LOXHD1: variants seen among roughly 807,000 people sequenced by gnomAD.
LOXHD1 encodes lipoxygenase homology PLAT domains 1.
Under a neutral mutation model 248.2 loss-of-function variants are expected in LOXHD1, and 205 were observed. The ratio of observed to expected loss-of-function variants is 0.83; its 90% confidence interval spans 0.74 to 0.93. The LOEUF (loss-of-function observed/expected upper bound fraction) is 0.93. LOXHD1 is among the 40% of genes least tolerant of loss of function. The pLI is 0.00. For synonymous variants in LOXHD1, 1,113 were observed against 1,162.8 expected (o/e 0.96, Z 0.87); for missense variants, 2,930 against 2,971.6 (o/e 0.99, Z 0.33).
rs149969877 is a variant in LOXHD1, at chr18:46,545,017, C to T, written c.3619+300G>A. 2.6e-3 allele frequency: 1,218 copies of T among 476,434 alleles called. 16 individuals carry two copies. Among genetic ancestry groups the T allele is most frequent in the Admixed American group, 0.016 (593 of 37,430 alleles). The allele number at this position is 476,434 out of a possible 1,614,324, so 29.5% of individuals were successfully genotyped here. A position where few individuals can be genotyped will look rare whatever the true frequency, so the allele number is the denominator to read the frequency against. ...GAACAACTCTACAATGCCTGGAGTG[C>T]CTCATACTGAGAGTATCATGGCTGA... is the stretch of plus-strand genomic sequence containing the variant. On this transcript the variant is annotated intron_variant, in intron 23 of 40. Coordinates refer to ENST00000642948, the MANE Select transcript of LOXHD1 (RefSeq NM_001384474.1).
chr18:46,518,069 G>A (rs965495020), intron 34 of LOXHD1, 60 bp downstream of exon 34: 3 of 1,546,176 alleles, frequency 1.9e-6, no homozygotes, highest in South Asian at 1.2e-5. Context: ...AAGGCAGGGT[G>A]GGGCAGAGGG....
chr18:46,630,812 C>A (rs2038810991), intron 4 of LOXHD1, among the ~76,000 whole-genome samples: 1 of 152,080 alleles, frequency 6.6e-6, no homozygotes. Context: ...CACCTGGAGG[C>A]AAGCAAGAAA....
At position 46,576,838 on chromosome 18, in the gene LOXHD1, C is replaced by A. The variant is rs116007436; in HGVS notation, c.1970+869G>T. Among the ~76,000 whole-genome samples, 723 of 152,246 alleles carry A rather than the reference C, an allele frequency of 4.7e-3. 4 individuals carry two copies. The highest frequency in any genetic ancestry group is 0.017 in the African/African-American group (687 of 41,532). The stretch of plus-strand genomic sequence containing the variant: ...GCAGATGTGTGCCTGTGTGTGTGCG[C>A]CTGTAGGCACAGGCATGCATGTGAG... On this transcript the variant is annotated intron_variant, in intron 14 of 40. Coordinates refer to ENST00000642948, the MANE Select transcript of LOXHD1 (RefSeq NM_001384474.1).
At chr18:46,529,364 A>G in intron 28 of LOXHD1, 33 bp from the exon 29 acceptor site, 1 of 1,509,424 alleles carries the variant, frequency 6.6e-7, no homozygotes, top group African/African-American at 1.4e-5. Context: ...AGACAGACAA[A>G]GGGAAGAAAA....
chr18:46,516,685 AC>A (rs1451097189), intron 34 of LOXHD1, among the ~76,000 whole-genome samples: 2 of 151,876 alleles, frequency 1.3e-5, no homozygotes, highest in Non-Finnish European at 2.9e-5. Context: ...TATCATCCCT[AC>A]CATCATCACC....
chr18:46,569,276 C>T (rs906365627), intron 16 of LOXHD1, among the ~76,000 whole-genome samples, 166 bp downstream of exon 16: 19 of 152,236 alleles, frequency 1.2e-4, no homozygotes, highest in Admixed American at 7.8e-4. Flanking sequence ...ACACACCTCA[C>T]TCACTATTCC....
At chr18:46,643,486 C>G in intron 2 of LOXHD1, among the ~76,000 whole-genome samples, 1 of 152,204 alleles carries the variant, frequency 6.6e-6, no homozygotes, top group Non-Finnish European at 1.5e-5. Flanking sequence ...AGGAAAATAA[C>G]TTACCAGACC....
chr18:46,481,178 G>A (rs2032534125), intron 40 of LOXHD1, among the ~76,000 whole-genome samples: 1 of 152,254 alleles, frequency 6.6e-6, no homozygotes, highest in Non-Finnish European at 1.5e-5. Flanking sequence ...TGTTAAGCAA[G>A]TGGTTTTATA....
At chr18:46,565,803 G>A (rs1179215222) in intron 17 of LOXHD1, among the ~76,000 whole-genome samples, 1 of 152,208 alleles carries the variant, frequency 6.6e-6, no homozygotes, top group South Asian at 2.1e-4. Flanking sequence ...CAGTACAGAT[G>A]TAATTTTTTT....
chr18:46,629,802 A>G (rs1462260082), intron 4 of LOXHD1, among the ~76,000 whole-genome samples: 46 of 151,232 alleles, frequency 3.0e-4, no homozygotes, highest in Non-Finnish European at 1.0e-4. Context: ...TAAAAAAAAA[A>G]AAAAAGAAAA....
intron 3 of LOXHD1, among the ~76,000 whole-genome samples, chr18:46,640,264 G>A (rs1216910620): frequency 6.6e-6 from 1 of 152,200 alleles, no homozygotes; most frequent in Non-Finnish European, 1.5e-5. Context: ...TCCCCAGGAA[G>A]CAGAAGCCAA....
In LOXHD1 at chr18:46,579,757, G is replaced by A; in HGVS notation, c.1682C>T (p.Thr561Ile). ...GMARYHVTVC[T>I]GELEGAGTDA... ...GGTCCCAGCACCTTCAAGTTCACCT[G>A]TGCACACAGTCACATGGTACCGGGC... Residue 561 changes from threonine (T) to isoleucine (I), a missense_variant, in exon 13 of 41, where the codon ACA (threonine) becomes ATA (isoleucine). Physicochemically the swap from Thr to Ile is moderately conservative, Grantham distance 89 (BLOSUM62 -1). Coordinates refer to ENST00000642948, the MANE Select transcript of LOXHD1 (RefSeq NM_001384474.1). 1 of 1,551,810 alleles carries A rather than the reference G, an allele frequency of 6.4e-7. No homozygotes were observed.
Position 46,541,799 on chromosome 18 carries a change from A to C in LOXHD1, c.3890T>G (p.Leu1297Arg), listed in dbSNP as rs902250332. 6 of 1,551,564 alleles carry C rather than the reference A, an allele frequency of 3.9e-6. No homozygotes were observed. In the African/African-American group the frequency reaches 8.2e-5, roughly 21 times the overall value. ...ACATGGTGTGTACAGCCTCGTCTGAAGCTCTGCATGGAAGAGGTCTCTGAT... is the reference window on the plus strand; with the variant it reads ...ACATGGTGTGTACAGCCTCGTCTGACGCTCTGCATGGAAGAGGTCTCTGAT... ...SIIRDLFHAE[L>R]QTRLYTPFVP... The change falls in exon 25 of 41, where the codon CTT becomes CGT. Residue 1297 changes from leucine (L) to arginine (R), a missense_variant. By Grantham distance (102) the Leu-to-Arg change is moderately radical (BLOSUM62 -2). Transcript: ENST00000642948.
intron 20 of LOXHD1, chr18:46,559,071 C>A: frequency 9.0e-7 from 1 of 1,107,398 alleles, no homozygotes; most frequent in Non-Finnish European, 1.2e-6. Flanking sequence ...ACACCATACT[C>A]ACCTGCCAAG....
intron 9 of LOXHD1, 53 bp downstream of exon 9, chr18:46,594,278 C>A: frequency 6.5e-7 from 1 of 1,548,206 alleles, no homozygotes; most frequent in East Asian, 2.4e-5. Flanking sequence ...GACATTCTGG[C>A]CTCTGCTGAC....
rs2035737641 is a variant in LOXHD1 at position 46,524,617 on chromosome 18, G to C, written c.4741-16C>G. 2.6e-6 allele frequency: 4 copies of C among 1,551,652 alleles called. No homozygotes were observed. Among genetic ancestry groups the C allele is most frequent in the Non-Finnish European group, 3.5e-6 (4 of 1,146,944 alleles). On this transcript the variant is annotated splice_polypyrimidine_tract_variant and intron_variant, in intron 30 of 40. Coordinates refer to ENST00000642948, the MANE Select transcript of LOXHD1 (RefSeq NM_001384474.1). ...CAGTGTACTCCTGTGTGGGAGAGCAGGACTGGCAGTTGCAGCTCCAGCACC... is the reference window on the plus strand; with the variant it reads ...CAGTGTACTCCTGTGTGGGAGAGCACGACTGGCAGTTGCAGCTCCAGCACC...
intron 21 of LOXHD1, among the ~76,000 whole-genome samples, chr18:46,548,935 C>A (rs2036967187): frequency 6.6e-6 from 1 of 152,214 alleles, no homozygotes; most frequent in Non-Finnish European, 1.5e-5. Flanking sequence ...ATGCTCACTA[C>A]TGCAGAGAGC....
At chr18:46,612,732 T>C (rs1052615066) in intron 5 of LOXHD1, among the ~76,000 whole-genome samples, 1 of 152,136 alleles carries the variant, frequency 6.6e-6, no homozygotes, top group African/African-American at 2.4e-5. Flanking sequence ...AAATTTTTTA[T>C]TTTTGTTTTT....
chr18:46,597,346 A>T (rs1599038091), intron 8 of LOXHD1, among the ~76,000 whole-genome samples: 2 of 152,226 alleles, frequency 1.3e-5, no homozygotes, highest in African/African-American at 4.8e-5. Context: ...CAGTAATTAC[A>T]ATAAATATAA....
Sources: allele counts gnomAD v4.1 joint callset (sites outside exome capture counted in the v4.1 genomes callset), GRCh38; gene constraint gnomAD v4.1.1; transcripts MANE v1.5; gene names NCBI Gene and HGNC (gene_info 2026-07-23, HGNC 2026-07-21).